The following UNC5D variants were observed in gnomAD, a reference collection of about 807,000 sequenced individuals.
UNC5D encodes the protein netrin receptor UNC5D.
A neutral mutation model predicts 105.4 loss-of-function variants in UNC5D; 39 were observed. That is an observed-to-expected ratio of 0.37 (90% CI 0.29 to 0.48). UNC5D has a LOEUF of 0.48. Ranked by LOEUF, UNC5D falls within the 20% of genes least tolerant of loss-of-function variation. The pLI is 0.98. For synonymous variants in UNC5D, 452 were observed against 450.4 expected (o/e 1.00, Z -0.04); for missense variants, 991 against 1,202.4 (o/e 0.82, Z 2.60).
At chr8:35,698,900 T>A (rs2131410058) in intron 7 of UNC5D, among the ~76,000 whole-genome samples, 1 of 152,234 alleles carries the variant, frequency 6.6e-6, no homozygotes, top group East Asian at 1.9e-4. Context: ...ATATATACAG[T>A]ATATATTTCT....
intron 1 of UNC5D, among the ~76,000 whole-genome samples, chr8:35,396,861 G>A (rs968364146): frequency 1.3e-5 from 2 of 150,576 alleles, no homozygotes; most frequent in African/African-American, 2.4e-5. Context: ...TGTTATATGT[G>A]TATTATGTGT....
At chr8:35,330,949 G>A (rs975444156) in intron 1 of UNC5D, among the ~76,000 whole-genome samples, 2 of 152,188 alleles carry the variant, frequency 1.3e-5, no homozygotes, top group African/African-American at 4.8e-5. Flanking sequence ...ATGTGATGCA[G>A]CCTCATTTCC....
intron 1 of UNC5D, among the ~76,000 whole-genome samples, chr8:35,418,995 C>G (rs6981879): frequency 0.024 from 3,616 of 152,240 alleles, 146 homozygotes; most frequent in African/African-American, 0.083. Flanking sequence ...AGAATTTGAA[C>G]AAACTGTTAA....
At chr8:35,288,707 A>G (rs948304007) in intron 1 of UNC5D, among the ~76,000 whole-genome samples, 2 of 152,210 alleles carry the variant, frequency 1.3e-5, no homozygotes, top group Admixed American at 1.3e-4. Flanking sequence ...GGACTTCAAT[A>G]TCATAAAAGT....
intron 4 of UNC5D, among the ~76,000 whole-genome samples, 185 bp downstream of exon 4, chr8:35,595,842 C>A (rs1157582711): frequency 6.6e-6 from 1 of 152,194 alleles, no homozygotes; most frequent in Non-Finnish European, 1.5e-5. Flanking sequence ...GAACTTGTCT[C>A]CCATCTACTT....
chr8:35,487,593 A>C (rs111578052), intron 1 of UNC5D, among the ~76,000 whole-genome samples: 43 of 150,470 alleles, frequency 2.9e-4, no homozygotes, highest in Non-Finnish European at 4.7e-4. Flanking sequence ...ACACACACAC[A>C]CCCCACAGAC....
chr8:35,340,927 A>T (rs2128901892), intron 1 of UNC5D, among the ~76,000 whole-genome samples: 1 of 152,306 alleles, frequency 6.6e-6, no homozygotes, highest in East Asian at 1.9e-4. Context: ...TCTAATCTGA[A>T]TTTAATCTTT....
intron 13 of UNC5D, among the ~76,000 whole-genome samples, 193 bp from the exon 14 acceptor site, chr8:35,759,127 T>C (rs951264826): frequency 6.6e-6 from 1 of 152,176 alleles, no homozygotes; most frequent in African/African-American, 2.4e-5. Flanking sequence ...ACCCAACACT[T>C]GTCACTCAGC....
chr8:35,692,090 A>AGGT (rs1826443712), intron 7 of UNC5D, among the ~76,000 whole-genome samples: 1 of 152,196 alleles, frequency 6.6e-6, no homozygotes, highest in Non-Finnish European at 1.5e-5. Flanking sequence ...TTCAACATTG[A>AGGT]CAGTTCAAAA....
intron 1 of UNC5D, among the ~76,000 whole-genome samples, chr8:35,387,205 C>T (rs1276096394): frequency 6.6e-6 from 1 of 151,676 alleles, no homozygotes; most frequent in Non-Finnish European, 1.5e-5. Flanking sequence ...CTAAAAAATA[C>T]AACAAAAATT....
At chr8:35,478,877 C>T (rs1448531084) in intron 1 of UNC5D, among the ~76,000 whole-genome samples, 1 of 152,060 alleles carries the variant, frequency 6.6e-6, no homozygotes, top group African/African-American at 2.4e-5. Flanking sequence ...TAATTCTTAG[C>T]TATTGAGTTT....
intron 1 of UNC5D, among the ~76,000 whole-genome samples, chr8:35,334,052 C>G (rs191322214): frequency 6.6e-6 from 1 of 152,044 alleles, no homozygotes; most frequent in Admixed American, 6.6e-5. Context: ...CCACACAGAA[C>G]CTTTTTGATA....
chr8:35,778,203 CT>C (rs1802344647), intron 16 of UNC5D, among the ~76,000 whole-genome samples: 1 of 152,192 alleles, frequency 6.6e-6, no homozygotes, highest in African/African-American at 2.4e-5. Context: ...TCATTCAGTT[CT>C]GTCTTCAGGC....
chr8:35,689,861 A>G (rs56298617), intron 7 of UNC5D, among the ~76,000 whole-genome samples: 5,630 of 152,304 alleles, frequency 0.037, 365 homozygotes, highest in African/African-American at 0.13. Context: ...ATGACTTGAT[A>G]TCTGGGCACC....
intron 4 of UNC5D, among the ~76,000 whole-genome samples, chr8:35,623,191 C>T (rs974351618): frequency 6.6e-6 from 1 of 152,100 alleles, no homozygotes; most frequent in African/African-American, 2.4e-5. Context: ...TCCTTGAGTT[C>T]TCTGCCACGG....
At chr8:35,436,165 C>T (rs961301949) in intron 1 of UNC5D, among the ~76,000 whole-genome samples, 1 of 151,872 alleles carries the variant, frequency 6.6e-6, no homozygotes, top group Non-Finnish European at 1.5e-5. Context: ...AGCTTGTAAA[C>T]ATTAGAGCAC....
chr8:35,320,111 G>C (rs185349879), intron 1 of UNC5D, among the ~76,000 whole-genome samples: 1 of 152,208 alleles, frequency 6.6e-6, no homozygotes, highest in African/African-American at 2.4e-5. Flanking sequence ...GGTTGGGGTA[G>C]AGCTTTGTTT....
intron 11 of UNC5D, among the ~76,000 whole-genome samples, chr8:35,742,587 G>T (rs1399400932): frequency 6.6e-6 from 1 of 152,154 alleles, no homozygotes. Flanking sequence ...AAGGAGGAAA[G>T]GAGGGAATGG....
intron 11 of UNC5D, among the ~76,000 whole-genome samples, chr8:35,739,863 G>A (rs556373330): frequency 6.6e-6 from 1 of 152,202 alleles, no homozygotes; most frequent in South Asian, 2.1e-4. Context: ...CAGCTCCCAC[G>A]TTTTCTAAGA....
Sources: gnomAD v4.1 joint callset for allele counts (sites outside exome capture counted in the v4.1 genomes callset) on GRCh38, gnomAD v4.1.1 for gene constraint, MANE v1.5 for transcripts, NCBI Gene and HGNC (gene_info 2026-07-23, HGNC 2026-07-21) for gene names.